The following RBM45 variants were observed in gnomAD, a reference collection of about 807,000 sequenced individuals.
RBM45 encodes the protein RNA-binding protein 45.
RBM45 carries 39 observed loss-of-function variants against 58.5 expected under a neutral mutation model. That is an observed-to-expected ratio of 0.67 (90% CI 0.52 to 0.87). RBM45 has a LOEUF of 0.87. RBM45 is among the 40% of genes least tolerant of loss of function. The pLI is 0.00. For missense variants in RBM45, 481 were observed against 581.6 expected (o/e 0.83, Z 1.78); for synonymous variants, 193 against 203.0 (o/e 0.95, Z 0.42).
At chr2:178,138,782 T>C (rs957909108) in exon 4 of RBM45, 2 of 152,126 alleles carry the variant, frequency 1.3e-5, no homozygotes, top group Admixed American at 1.3e-4. Flanking sequence ...ATATGACTTA[T>C]CTATTCCGAA....
At chr2:178,134,972 A>C (rs2088033958) in intron 3 of RBM45, among the ~76,000 whole-genome samples, 1 of 152,176 alleles carries the variant, frequency 6.6e-6, no homozygotes. Context: ...TCGCCACTGC[A>C]CTCCAGCCTG....
At chr2:178,120,219 AG>A (rs1371869436) in intron 3 of RBM45, 67 bp from the exon 4 acceptor site, 2 of 1,589,410 alleles carry the variant, frequency 1.3e-6, no homozygotes, top group Non-Finnish European at 1.7e-6. Context: ...GTCAGGCACT[AG>A]CAATCAAGTA....
Position 178,123,608 on chromosome 2 carries a change from C to G in RBM45, c.940C>G (p.Arg314Gly). The change falls in exon 6 of 10, where the codon CGA (arginine) becomes GGA (glycine). Residue 314 changes from arginine (R) to glycine (G), a missense_variant. Arg to Gly is a moderately radical substitution (Grantham distance 125). Transcript: ENST00000286070. ...LHGFQYPPGN[R>G]IGVSFIDDGS... is the part of the protein sequence containing the mutation. ...TGGATTTCAGTACCCTCCTGGGAAC[C>G]GAATAGGTGTTTCCTTCATTGATGA... 2 of 1,609,200 alleles carry G rather than the reference C, an allele frequency of 1.2e-6. No individual in the cohort carries two copies. The highest frequency in any genetic ancestry group is 1.7e-6 in the Non-Finnish European group (2 of 1,178,596).
rs1329243601 is a variant in RBM45, at chr2:178,112,501, CGCAGAAGCAAAGA to C, written c.-41_-29del. 2 of 1,551,268 alleles carry C rather than the reference CGCAGAAGCAAAGA, an allele frequency of 1.3e-6. No homozygotes were observed. Among genetic ancestry groups the C allele is most frequent in the African/African-American group, 2.7e-5 (2 of 73,762 alleles). On this transcript the variant is annotated 5_prime_UTR_variant, in exon 1 of 10. Transcript: ENST00000286070. ...GTGAGACAGCAGCGGTGGCAGACAC[CGCAGAAGCAAAGA>C]GCAGTGAGGCTCCTGCATTCGGGTG...
At chr2:178,131,002 G>A (rs1039249228), downstream of RBM45, among the ~76,000 whole-genome samples, 1 of 152,192 alleles carries the variant, frequency 6.6e-6, no homozygotes, top group African/African-American at 2.4e-5. Flanking sequence ...AGCTACTCAG[G>A]AGGCTGAGGC....
intron 9 of RBM45, among the ~76,000 whole-genome samples, chr2:178,126,465 A>T (rs2087930885): frequency 6.6e-6 from 1 of 152,020 alleles, no homozygotes; most frequent in Non-Finnish European, 1.5e-5. Context: ...TGCTTATATA[A>T]ACTTTTAAGT....
chr2:178,117,383 A>G (rs968812166), intron 2 of RBM45, among the ~76,000 whole-genome samples: 3 of 152,180 alleles, frequency 2.0e-5, no homozygotes, highest in African/African-American at 7.2e-5. Context: ...AAGAATTTAT[A>G]AAATAAATAA....
At chr2:178,125,715 A>T in intron 8 of RBM45, 1 of 607,742 alleles carries the variant, frequency 1.6e-6, no homozygotes, top group Non-Finnish European at 3.2e-6. Flanking sequence ...CTCAGAAGAC[A>T]GAGTGAAAAA....
chr2:178,113,515 C>T (rs1480888286), intron 1 of RBM45, among the ~76,000 whole-genome samples: 1 of 152,202 alleles, frequency 6.6e-6, no homozygotes, highest in Non-Finnish European at 1.5e-5. Context: ...CTTTCTGTTA[C>T]TGCAACTTTT....
At position 178,125,956 on chromosome 2, in the gene RBM45, G is replaced by A. The variant is rs186436469; in HGVS notation, c.1233-28G>A. The A allele has an allele frequency of 1.8e-5, 29 of 1,599,810 alleles. No individual in the cohort carries two copies. The Admixed American group carries it at 3.9e-4, about 21-fold the overall frequency. On this transcript the variant is annotated intron_variant, in intron 8 of 9. Coordinates refer to ENST00000286070, the MANE Select transcript of RBM45 (RefSeq NM_152945.4). The stretch of plus-strand genomic sequence containing the variant: ...TGAGCAGTTGTATTTATCAATTTTG[G>A]TTGATTATTTTTTTCACTTTGTTTC...
chr2:178,125,829 T>C lies in RBM45; in HGVS notation c.1233-155T>C, dbSNP rs1282722064. The C allele has an allele frequency of 4.2e-6, 3 of 714,532 alleles. No individual in the cohort carries two copies. The East Asian group carries it at 8.1e-5, about 19-fold the overall frequency. 44.3% of individuals were successfully genotyped at this position (714,532 alleles called of 1,614,324 possible). A position where few individuals can be genotyped will look rare whatever the true frequency, so the allele number is the denominator to read the frequency against. On this transcript the variant is annotated intron_variant, in intron 8 of 9. Transcript: ENST00000286070. ...ATGAGAAGAGAGATCTGAATGAGAA[T>C]GAATAGAATTGACTGAGATGTTTAA...
downstream of RBM45, among the ~76,000 whole-genome samples, chr2:178,130,561 A>G (rs1187917338): frequency 6.6e-6 from 1 of 152,076 alleles, no homozygotes; most frequent in Non-Finnish European, 1.5e-5. Flanking sequence ...AAAATTAGGG[A>G]TCTATTCTGC....
At chr2:178,112,875 G>C in intron 1 of RBM45, 29 bp downstream of exon 1, 1 of 1,592,940 alleles carries the variant, frequency 6.3e-7, no homozygotes, top group Non-Finnish European at 8.6e-7. Flanking sequence ...GGGTGCCCTC[G>C]GGGGAAGGAG....
intron 4 of RBM45, 142 bp from the exon 5 acceptor site, chr2:178,121,038 T>A: frequency 4.5e-6 from 2 of 442,962 alleles, no homozygotes; most frequent in South Asian, 6.7e-5. Flanking sequence ...GTCCCATCGG[T>A]AGTTCTGATG....
Position 178,124,173 on chromosome 2 carries a change from A to G in RBM45, c.1115A>G (p.Asp372Gly). 1.2e-6 allele frequency: 2 copies of G among 1,608,530 alleles called. No individual in the cohort carries two copies. The highest frequency in any genetic ancestry group is 1.7e-6 in the Non-Finnish European group (2 of 1,178,584). ...SGSQLPQIQT[D>G]VVLPSCKKKA... ...TCACAGTTGCCTCAAATCCAGACAG[A>G]TGTTGTACTTCCATCATGCAAAAAA... Residue 372 changes from aspartate to glycine, a missense_variant, in exon 8 of 10, where the codon GAT (aspartate) becomes GGT (glycine). Asp to Gly is a moderately conservative substitution (Grantham distance 94, BLOSUM62 -1). Transcript: ENST00000286070.
chr2:178,113,956 G>C (rs538076132), intron 1 of RBM45, among the ~76,000 whole-genome samples: 1 of 152,306 alleles, frequency 6.6e-6, no homozygotes, highest in African/African-American at 2.4e-5. Flanking sequence ...ATCCACCAAA[G>C]AGAAGGAGCC....
At chr2:178,117,193 C>T (rs1574408610) in intron 2 of RBM45, among the ~76,000 whole-genome samples, 1 of 152,206 alleles carries the variant, frequency 6.6e-6, no homozygotes, top group South Asian at 2.1e-4. Context: ...TTCTCTCCTA[C>T]CCCAATTGAG....
chr2:178,118,022 G>T, intron 2 of RBM45, 33 bp from the exon 3 acceptor site: 2 of 1,500,106 alleles, frequency 1.3e-6, no homozygotes, highest in Non-Finnish European at 1.8e-6. Flanking sequence ...TTAATTTTAA[G>T]TCCCCTAAAA....
Position 178,126,057 on chromosome 2 carries a change from A to G in RBM45, c.1306A>G (p.Ile436Val). 1.2e-6 allele frequency: 2 copies of G among 1,613,858 alleles called. No homozygotes were observed. Among genetic ancestry groups the G allele is most frequent in the Non-Finnish European group, 1.7e-6 (2 of 1,179,764 alleles). ...GGGGTATGCCAAGTATGCCGATAGA[A>G]TAAGTGCTAATGATGCCATTGCCAC... is the stretch of plus-strand genomic sequence containing the variant. Reference protein sequence around the residue: ...NVGYAKYADRISANDAIATLH... With the variant: ...NVGYAKYADRVSANDAIATLH... Residue 436 changes from isoleucine (I) to valine (V), a missense_variant, in exon 9 of 10, where the codon ATA becomes GTA. Coordinates refer to ENST00000286070, the MANE Select transcript of RBM45 (RefSeq NM_152945.4).
Sources: allele counts gnomAD v4.1 joint callset (sites outside exome capture counted in the v4.1 genomes callset), GRCh38; gene constraint gnomAD v4.1.1; transcripts MANE v1.5; gene names NCBI Gene and HGNC (gene_info 2026-07-23, HGNC 2026-07-21).